The following BCL2L13 variants were observed in gnomAD, a reference collection of about 807,000 sequenced individuals.
BCL2L13 encodes bcl-2-like protein 13.
In BCL2L13, 13 loss-of-function variants were observed where a neutral mutation model predicts 25.8. The ratio of observed to expected loss-of-function variants is 0.50; its 90% CI spans 0.33 to 0.80. The LOEUF (loss-of-function observed/expected upper bound fraction) is 0.80. Among genes scored for constraint, BCL2L13 ranks in the 30% least tolerant of loss-of-function variants. The pLI is 0.02. For missense variants in BCL2L13, 504 were observed against 574.9 expected, an observed-to-expected ratio of 0.88 and a Z score of 1.26; for synonymous variants, 244 against 230.3, an observed-to-expected ratio of 1.06 and a Z score of -0.54.
chr22:17,691,867 T>TG (rs1434388454), intron 4 of BCL2L13, among the ~76,000 whole-genome samples: 2 of 147,172 alleles, frequency 1.4e-5, no homozygotes, highest in Non-Finnish European at 3.1e-5. Context: ...CAGCAAATTC[T>TG]ATTTAAAGGA....
intron 4 of BCL2L13, among the ~76,000 whole-genome samples, chr22:17,693,379 T>G (rs1174814519): frequency 4.2e-5 from 4 of 95,804 alleles, no homozygotes; most frequent in Non-Finnish European, 7.1e-5. Flanking sequence ...TTTGTTTTTT[T>G]TTTTTTTTTT....
At chr22:17,688,197 T>C (rs1337079527) in intron 3 of BCL2L13, among the ~76,000 whole-genome samples, 1 of 152,130 alleles carries the variant, frequency 6.6e-6, no homozygotes, top group Non-Finnish European at 1.5e-5. Context: ...ACTCAAACCA[T>C]CTGCACACCT....
chr22:17,714,412 A>G lies in BCL2L13; in HGVS notation c.600+12026A>G, dbSNP rs577682188. Among the ~76,000 whole-genome samples the G allele has an allele frequency of 5.3e-5, 8 of 152,270 alleles. No individual in the cohort carries two copies. The East Asian group carries it at 9.6e-4, about 18-fold the overall frequency. Reference sequence around the variant, plus strand: ...GGTTGCAGCGAGCCAAGATGGTGCAACTGCACTCCAGCCTGGGTGACAGAG... The same window carrying G: ...GGTTGCAGCGAGCCAAGATGGTGCAGCTGCACTCCAGCCTGGGTGACAGAG... On this transcript the variant is annotated intron_variant, in intron 6 of 6. Coordinates refer to ENST00000317582, the MANE Select transcript of BCL2L13 (RefSeq NM_015367.4).
At chr22:17,652,448 T>C (rs2058718663) in intron 1 of BCL2L13, among the ~76,000 whole-genome samples, 1 of 151,988 alleles carries the variant, frequency 6.6e-6, no homozygotes, top group African/African-American at 2.4e-5. Flanking sequence ...ATCAAATTTC[T>C]TTTTTTTGAG....
chr22:17,643,753 A>G (rs918515218), intron 1 of BCL2L13, among the ~76,000 whole-genome samples: 1 of 147,560 alleles, frequency 6.8e-6, no homozygotes, highest in African/African-American at 2.5e-5. Context: ...AGCTGGGACT[A>G]CAGGCACTCG....
chr22:17,677,861 C>CT (rs1444465631), intron 2 of BCL2L13, among the ~76,000 whole-genome samples: 14 of 148,640 alleles, frequency 9.4e-5, no homozygotes. Flanking sequence ...GAGCGAGACT[C>CT]TGTCTCAAAA....
intron 2 of BCL2L13, among the ~76,000 whole-genome samples, chr22:17,680,215 C>CAAAAAAAAAAAAA (rs71201867): frequency 3.0e-4 from 20 of 67,028 alleles, no homozygotes; most frequent in African/African-American, 7.3e-4. Flanking sequence ...AACTCTCTCT[C>CAAAAAAAAAAAAA]AAAAAAAAAA....
chr22:17,666,663 T>A (rs1056526050), intron 2 of BCL2L13, among the ~76,000 whole-genome samples: 8 of 150,124 alleles, frequency 5.3e-5, no homozygotes, highest in Non-Finnish European at 1.0e-4. Context: ...TTGTTGCAAA[T>A]GACAGGACCT....
At chr22:17,643,893 G>A (rs763685893) in intron 1 of BCL2L13, among the ~76,000 whole-genome samples, 12 of 151,056 alleles carry the variant, frequency 7.9e-5, no homozygotes, top group Non-Finnish European at 1.3e-4. Context: ...GATTACAGGC[G>A]TGAGCCACGG....
chr22:17,720,917 A>G (rs1404347480), intron 6 of BCL2L13, among the ~76,000 whole-genome samples: 1 of 152,042 alleles, frequency 6.6e-6, no homozygotes, highest in Admixed American at 6.5e-5. Flanking sequence ...CTGTATTCCC[A>G]GAACTTTAGG....
intron 2 of BCL2L13, among the ~76,000 whole-genome samples, chr22:17,682,681 T>C (rs929863849): frequency 3.3e-5 from 5 of 152,240 alleles, no homozygotes; most frequent in African/African-American, 9.6e-5. Flanking sequence ...GGCAGAAACA[T>C]CTGGAAAGGT....
At chr22:17,645,522 T>C (rs2058443836) in intron 1 of BCL2L13, among the ~76,000 whole-genome samples, 1 of 151,496 alleles carries the variant, frequency 6.6e-6, no homozygotes. Context: ...CATGCCTGGT[T>C]TATAGTAGGA....
At chr22:17,653,138 G>T (rs1601524431) in intron 1 of BCL2L13, among the ~76,000 whole-genome samples, 1 of 152,118 alleles carries the variant, frequency 6.6e-6, no homozygotes, top group African/African-American at 2.4e-5. Context: ...TATTCTGTTT[G>T]CACTGCCATC....
intron 3 of BCL2L13, among the ~76,000 whole-genome samples, chr22:17,687,454 A>G (rs1048148098): frequency 6.6e-6 from 1 of 152,018 alleles, no homozygotes; most frequent in Non-Finnish European, 1.5e-5. Context: ...TGATCCTCCT[A>G]CTTCAGCCCC....
intron 6 of BCL2L13, among the ~76,000 whole-genome samples, chr22:17,710,891 T>A (rs568921438): frequency 1.3e-3 from 200 of 149,294 alleles, no homozygotes; most frequent in Non-Finnish European, 2.4e-3. Context: ...AAAATAAAAA[T>A]AAAAAAAAAT....
intron 5 of BCL2L13, among the ~76,000 whole-genome samples, chr22:17,701,983 A>G (rs2060451556): frequency 6.6e-6 from 1 of 151,848 alleles, no homozygotes; most frequent in Admixed American, 6.6e-5. Context: ...TTCCTTCTAT[A>G]TATGTTATTT....
intron 4 of BCL2L13, among the ~76,000 whole-genome samples, chr22:17,692,066 C>T (rs537824408): frequency 1.3e-5 from 2 of 152,090 alleles, no homozygotes; most frequent in African/African-American, 4.8e-5. Flanking sequence ...GTATTATAAA[C>T]GTTGAAGGCA....
At chr22:17,717,531 C>T (rs567595732) in intron 6 of BCL2L13, among the ~76,000 whole-genome samples, 1 of 152,044 alleles carries the variant, frequency 6.6e-6, no homozygotes, top group Admixed American at 6.6e-5. Context: ...TCAAGCTTAT[C>T]CTCCTGCCTG....
rs769514595 is a variant in BCL2L13 at position 17,668,452 on chromosome 22, G to GT, written c.121+12633dup. Among the ~76,000 whole-genome samples the GT allele has an allele frequency of 4.1e-3, 583 of 141,454 alleles. 2 individuals are homozygous for GT. Among genetic ancestry groups the GT allele is most frequent in the African/African-American group, 8.2e-3 (321 of 39,050 alleles). 92.8% of individuals were successfully genotyped at this position (141,454 alleles called of 152,430 possible). On this transcript the variant is annotated intron_variant, in intron 2 of 6. Coordinates refer to ENST00000317582, the MANE Select transcript of BCL2L13 (RefSeq NM_015367.4). ...TTTTAAATTTAGGTCTTTGATCTGT[G>GT]TTTTTTTTTTTTTCTCCTGAGATGG...
Sources: allele counts gnomAD v4.1 joint callset (sites outside exome capture counted in the v4.1 genomes callset), GRCh38; gene constraint gnomAD v4.1.1; transcripts MANE v1.5; gene names NCBI Gene and HGNC (gene_info 2026-07-23, HGNC 2026-07-21).